WWOX: variants seen among roughly 807,000 people sequenced by gnomAD.
WWOX encodes the protein WW domain-containing oxidoreductase.
In WWOX, 69 loss-of-function variants were observed where a neutral mutation model predicts 46.2. That is an observed-to-expected ratio of 1.49 (90% CI 1.23 to 1.82). The LOEUF is 1.82. Ranked by LOEUF, WWOX falls within the 40% of genes most tolerant of loss-of-function variation. WWOX has a pLI of 0.00. For missense variants in WWOX, 919 were observed against 542.6 expected, an observed-to-expected ratio of 1.69 and a Z score of -6.89; for synonymous variants, 359 against 202.6, an observed-to-expected ratio of 1.77 and a Z score of -6.56.
At chr16:78,371,226 A>G (rs140169231) in intron 5 of WWOX, among the ~76,000 whole-genome samples, 1 of 152,298 alleles carries the variant, frequency 6.6e-6, no homozygotes, top group African/African-American at 2.4e-5. Flanking sequence ...TCACTGTACT[A>G]AAATTTTCTT....
intron 5 of WWOX, among the ~76,000 whole-genome samples, chr16:78,359,107 A>ATG (rs2081357537): frequency 6.6e-6 from 1 of 151,466 alleles, no homozygotes; most frequent in African/African-American, 2.4e-5. Flanking sequence ...GCTTCTTCCC[A>ATG]TATATACTCT....
intron 5 of WWOX, among the ~76,000 whole-genome samples, chr16:78,357,549 G>C (rs577701254): frequency 1.3e-5 from 2 of 152,188 alleles, no homozygotes; most frequent in South Asian, 2.1e-4. Context: ...ATAGAATTGG[G>C]CATAATCAGA....
chr16:78,992,133 A>G (rs1030861575), intron 8 of WWOX, among the ~76,000 whole-genome samples: 1 of 152,148 alleles, frequency 6.6e-6, no homozygotes, highest in Non-Finnish European at 1.5e-5. Flanking sequence ...GTGAAAGGTA[A>G]TCCTGTCCTT....
chr16:78,849,919 A>T (rs978312944), intron 8 of WWOX, among the ~76,000 whole-genome samples: 3 of 152,074 alleles, frequency 2.0e-5, no homozygotes, highest in Non-Finnish European at 2.9e-5. Context: ...CTTAAAATAC[A>T]AAATTAGCCG....
At chr16:78,454,481 TTTTGTGTTTTTG>T (rs1484023807) in intron 8 of WWOX, among the ~76,000 whole-genome samples, 1 of 119,182 alleles carries the variant, frequency 8.4e-6, no homozygotes, top group African/African-American at 4.3e-5. Context: ...TAGGTTGTGT[TTTTGTGTTTTTG>T]TTTGTTTGTT....
chr16:78,931,915 T>C (rs2045631916), intron 8 of WWOX, among the ~76,000 whole-genome samples: 1 of 152,206 alleles, frequency 6.6e-6, no homozygotes, highest in Non-Finnish European at 1.5e-5. Context: ...GTTGTTATGA[T>C]AGTGAATAAG....
intron 8 of WWOX, among the ~76,000 whole-genome samples, chr16:78,793,064 T>A (rs1463689266): frequency 1.3e-5 from 2 of 152,094 alleles, no homozygotes; most frequent in Non-Finnish European, 2.9e-5. Flanking sequence ...TATCTATATA[T>A]CTGTATCTAT....
intron 5 of WWOX, among the ~76,000 whole-genome samples, chr16:78,201,160 A>G (rs943073708): frequency 2.0e-5 from 3 of 152,230 alleles, no homozygotes; most frequent in African/African-American, 7.2e-5. Flanking sequence ...AAATGTACTC[A>G]TTAATGTGGC....
intron 8 of WWOX, among the ~76,000 whole-genome samples, chr16:78,479,435 A>G (rs2084434851): frequency 6.6e-6 from 1 of 152,196 alleles, no homozygotes; most frequent in Admixed American, 6.5e-5. Flanking sequence ...TTTATTTATA[A>G]CTATAGTTTA....
Position 78,198,446 on chromosome 16 carries a change from A to T in WWOX, c.516+34157A>T, listed in dbSNP as rs113525968. Among the ~76,000 whole-genome samples, 643 of 152,088 alleles carry T rather than the reference A, an allele frequency of 4.2e-3. 4 individuals are homozygous for T. Among genetic ancestry groups the T allele is most frequent in the African/African-American group, 0.015 (623 of 41,484 alleles). On this transcript the variant is annotated intron_variant, in intron 5 of 8. Coordinates refer to ENST00000566780, the MANE Select transcript of WWOX (RefSeq NM_016373.4). Reference sequence around the variant, plus strand: ...AATGGCCTCTCACCCTTCCCTTCACACCCTCCACTCTGTCCACTTGTTTGT... The same window carrying T: ...AATGGCCTCTCACCCTTCCCTTCACTCCCTCCACTCTGTCCACTTGTTTGT...
rs1329187230 is a variant in WWOX, at chr16:78,346,786, C to T, written c.517-40074C>T. ...GTGGTGTGATCTTGGTTTACTGCAA[C>T]CTCTGCCTACTGGGTTCAAGCGATT... On this transcript the variant is annotated intron_variant, in intron 5 of 8. Transcript: ENST00000566780. 6.6e-5 allele frequency among the ~76,000 whole-genome samples: 8 copies of T among 120,532 alleles called. 3 individuals are homozygous for T. The highest frequency in any genetic ancestry group is 1.6e-4 in the Non-Finnish European group (8 of 50,478). The allele number at this position is 120,532 out of a possible 152,430, so 79.1% of individuals were successfully genotyped here.
chr16:78,768,517 G>C (rs1023600218), intron 8 of WWOX, among the ~76,000 whole-genome samples: 13 of 151,826 alleles, frequency 8.6e-5, no homozygotes, highest in African/African-American at 3.1e-4. Flanking sequence ...TTGAACTTGG[G>C]AGGCAAAGGT....
chr16:78,275,062 C>A (rs928074541), intron 5 of WWOX, among the ~76,000 whole-genome samples: 1 of 152,116 alleles, frequency 6.6e-6, no homozygotes, highest in Admixed American at 6.5e-5. Flanking sequence ...AGGTTTTTTT[C>A]TTTTCCGAGC....
chr16:78,924,982 C>G (rs569550032), intron 8 of WWOX, among the ~76,000 whole-genome samples: 41 of 152,230 alleles, frequency 2.7e-4, no homozygotes, highest in Non-Finnish European at 5.0e-4. Flanking sequence ...ATCAGTTGAG[C>G]TCAGGCGTTC....
chr16:78,353,144 A>C (rs554233122), intron 5 of WWOX, among the ~76,000 whole-genome samples: 1 of 152,272 alleles, frequency 6.6e-6, no homozygotes, highest in South Asian at 2.1e-4. Context: ...CCAGCTAACT[A>C]TGCATTCCTT....
Position 78,348,266 on chromosome 16 carries a change from G to C in WWOX, c.517-38594G>C, listed in dbSNP as rs1283708358. 1.7e-5 allele frequency among the ~76,000 whole-genome samples: 2 copies of C among 120,880 alleles called. 1 individual carries two copies. Among genetic ancestry groups the C allele is most frequent in the Non-Finnish European group, 3.9e-5 (2 of 50,692 alleles). The allele number at this position is 120,880 out of a possible 152,430, so 79.3% of individuals were successfully genotyped here. A position where few individuals can be genotyped will look rare whatever the true frequency, so the allele number is the denominator to read the frequency against. On this transcript the variant is annotated intron_variant, in intron 5 of 8. Coordinates refer to ENST00000566780, the MANE Select transcript of WWOX (RefSeq NM_016373.4). ...ACTGTAATAAAGAGGGTTGTAAGTA[G>C]AGAAGCTGGAATTTGAAAGGTTACG...
chr16:79,024,382 C>T (rs2151388513), intron 8 of WWOX, among the ~76,000 whole-genome samples: 1 of 152,274 alleles, frequency 6.6e-6, no homozygotes, highest in South Asian at 2.1e-4. Context: ...CCTTAGCCTC[C>T]TCAGTAGCTG....
chr16:78,798,843 G>T (rs988911996), intron 8 of WWOX, among the ~76,000 whole-genome samples: 6 of 152,138 alleles, frequency 3.9e-5, no homozygotes, highest in African/African-American at 1.4e-4. Flanking sequence ...ATCAGATGCG[G>T]CCAATGTCAG....
At position 78,791,358 on chromosome 16, in the gene WWOX, A is replaced by C. The variant is rs111383599; in HGVS notation, c.1056+358606A>C. ...GTCTCAGGTTTATGTATTAGGAAGC[A>C]TTCAGCAGGCAGGAGCAGCCGATCT... On this transcript the variant is annotated intron_variant, in intron 8 of 8. Coordinates refer to ENST00000566780, the MANE Select transcript of WWOX (RefSeq NM_016373.4). Among the ~76,000 whole-genome samples, 513 of 152,292 alleles carry C rather than the reference A, an allele frequency of 3.4e-3. 3 individuals carry two copies. The highest frequency in any genetic ancestry group is 5.7e-3 in the Non-Finnish European group (389 of 68,032).
Sources: allele counts gnomAD v4.1 joint callset (sites outside exome capture counted in the v4.1 genomes callset), GRCh38; gene constraint gnomAD v4.1.1; transcripts MANE v1.5; gene names NCBI Gene and HGNC (gene_info 2026-07-23, HGNC 2026-07-21).